The following CDH18 variants were observed in gnomAD, a reference collection of about 807,000 sequenced individuals.
CDH18 encodes the protein cadherin 18.
In CDH18, 31 loss-of-function variants were observed where a neutral mutation model predicts 67.9. The ratio of observed to expected loss-of-function variants is 0.46; its 90% CI spans 0.34 to 0.62. CDH18 has a LOEUF of 0.62. Ranked by LOEUF, CDH18 falls within the 20% of genes least tolerant of loss-of-function variation. The pLI is 0.01. For missense variants in CDH18, 890 were observed against 975.5 expected, an observed-to-expected ratio of 0.91 and a Z score of 1.17; for synonymous variants, 362 against 347.2, an observed-to-expected ratio of 1.04 and a Z score of -0.48.
At chr5:19,527,602 A>G (rs1747937814) in intron 9 of CDH18, among the ~76,000 whole-genome samples, 1 of 151,754 alleles carries the variant, frequency 6.6e-6, no homozygotes, top group Non-Finnish European at 1.5e-5. Flanking sequence ...TGTGAATTTT[A>G]TGCAACAGAA....
At chr5:19,659,098 A>C (rs935039144) in intron 5 of CDH18, among the ~76,000 whole-genome samples, 3 of 152,168 alleles carry the variant, frequency 2.0e-5, no homozygotes, top group Admixed American at 2.0e-4. Context: ...GAATTGAACA[A>C]TGATACTTTT....
intron 2 of CDH18, among the ~76,000 whole-genome samples, chr5:19,921,808 TAATC>T (rs978630973): frequency 2.6e-5 from 4 of 152,138 alleles, no homozygotes; most frequent in African/African-American, 9.7e-5. Context: ...ATTATGTTGA[TAATC>T]AAGTATGAAG....
At chr5:20,328,816 AAAAC>A (rs1738875157) in intron 1 of CDH18, among the ~76,000 whole-genome samples, 1 of 152,152 alleles carries the variant, frequency 6.6e-6, no homozygotes, top group Non-Finnish European at 1.5e-5. Flanking sequence ...CCACATGGTG[AAAAC>A]AAACAAAAAT....
chr5:19,568,273 C>T (rs568382423), intron 8 of CDH18, among the ~76,000 whole-genome samples: 1 of 152,194 alleles, frequency 6.6e-6, no homozygotes, highest in South Asian at 2.1e-4. Context: ...AAACAGTAAT[C>T]CACGATGTAA....
At chr5:20,246,714 G>C (rs1187416878) in intron 2 of CDH18, among the ~76,000 whole-genome samples, 1 of 152,062 alleles carries the variant, frequency 6.6e-6, no homozygotes, top group Admixed American at 6.6e-5. Flanking sequence ...TAAGAGCAAG[G>C]AATCAGTTCC....
chr5:20,161,304 C>T (rs901884132), intron 2 of CDH18, among the ~76,000 whole-genome samples: 1 of 152,180 alleles, frequency 6.6e-6, no homozygotes, highest in Non-Finnish European at 1.5e-5. Context: ...TTTATGTTGC[C>T]TCTCATAGTT....
At chr5:20,553,096 C>A (rs1757727096) in intron 1 of CDH18, among the ~76,000 whole-genome samples, 1 of 151,918 alleles carries the variant, frequency 6.6e-6, no homozygotes, top group African/African-American at 2.4e-5. Context: ...TCCAAGTTTT[C>A]TAAAAATAAA....
intron 1 of CDH18, among the ~76,000 whole-genome samples, chr5:20,412,099 A>G (rs1313051446): frequency 6.6e-6 from 1 of 152,188 alleles, no homozygotes; most frequent in Admixed American, 6.6e-5. Flanking sequence ...AAAAATAGCA[A>G]AGCTGGAGGC....
intron 2 of CDH18, among the ~76,000 whole-genome samples, chr5:20,144,003 A>T (rs900478060): frequency 6.6e-6 from 1 of 152,194 alleles, no homozygotes; most frequent in African/African-American, 2.4e-5. Flanking sequence ...TGTGAATTGC[A>T]TGGGAAGTAG....
At chr5:19,833,504 C>G (rs1294804577) in intron 3 of CDH18, among the ~76,000 whole-genome samples, 1 of 152,230 alleles carries the variant, frequency 6.6e-6, no homozygotes, top group Non-Finnish European at 1.5e-5. Flanking sequence ...TATCTGAATA[C>G]CTTTTATTTC....
intron 5 of CDH18, among the ~76,000 whole-genome samples, chr5:19,639,355 G>A (rs1429991620): frequency 1.3e-5 from 2 of 152,168 alleles, no homozygotes; most frequent in African/African-American, 4.8e-5. Context: ...TAGAAACAAA[G>A]AGGAAGAGTA....
In CDH18 at chr5:19,612,672, A is replaced by C. The variant is rs144170999; in HGVS notation, c.644-71T>G. On this transcript the variant is annotated intron_variant, in intron 5 of 12. Coordinates refer to ENST00000382275, the MANE Select transcript of CDH18 (RefSeq NM_004934.5). ...CAAGTATCAACAAACATACACATAC[A>C]TATTTTAAGAAATGTCTTTTAAAAT... 2,962 of 1,116,770 alleles carry C rather than the reference A, an allele frequency of 2.7e-3. 36 individuals carry two copies. The Middle Eastern group carries it at 0.049, about 19-fold the overall frequency. The allele number at this position is 1,116,770 out of a possible 1,614,324, so 69.2% of individuals were successfully genotyped here. A position where few individuals can be genotyped will look rare whatever the true frequency, so the allele number is the denominator to read the frequency against.
intron 4 of CDH18, 93 bp downstream of exon 4, chr5:19,746,849 T>G: frequency 1.2e-6 from 1 of 845,762 alleles, no homozygotes; most frequent in Non-Finnish European, 1.8e-6. Flanking sequence ...CCCCTCCAGA[T>G]ATATATATAT....
intron 4 of CDH18, among the ~76,000 whole-genome samples, chr5:19,744,541 T>A (rs1429235959): frequency 2.5e-5 from 3 of 120,904 alleles, no homozygotes; most frequent in African/African-American, 6.2e-5. Flanking sequence ...CACACACACA[T>A]CTATTCCAGA....
chr5:19,498,716 T>C (rs1267764238), intron 11 of CDH18, among the ~76,000 whole-genome samples: 2 of 152,308 alleles, frequency 1.3e-5, no homozygotes, highest in Middle Eastern at 3.4e-3. Flanking sequence ...CCACTTTCAA[T>C]ACCTATGTTG....
At chr5:19,833,124 G>T (rs1296231849) in intron 3 of CDH18, among the ~76,000 whole-genome samples, 1 of 151,952 alleles carries the variant, frequency 6.6e-6, no homozygotes, top group African/African-American at 2.4e-5. Flanking sequence ...GCAATATGGC[G>T]ATTTTCATGA....
chr5:19,797,032 C>T (rs1457777714), intron 3 of CDH18, among the ~76,000 whole-genome samples: 1 of 151,678 alleles, frequency 6.6e-6, no homozygotes, highest in African/African-American at 2.4e-5. Flanking sequence ...AATAAAATAG[C>T]ACTCCTCATT....
At chr5:19,665,100 G>C (rs1678912449) in intron 5 of CDH18, among the ~76,000 whole-genome samples, 1 of 151,872 alleles carries the variant, frequency 6.6e-6, no homozygotes, top group African/African-American at 2.4e-5. Flanking sequence ...AGGAATATCT[G>C]TTGAAAATGT....
At chr5:19,723,617 T>A (rs1766405026) in intron 4 of CDH18, among the ~76,000 whole-genome samples, 1 of 152,196 alleles carries the variant, frequency 6.6e-6, no homozygotes, top group Admixed American at 6.5e-5. Context: ...ACTCATACAC[T>A]GTGGATAGAA....
Sources: gnomAD v4.1 joint callset for allele counts (sites outside exome capture counted in the v4.1 genomes callset) on GRCh38, gnomAD v4.1.1 for gene constraint, MANE v1.5 for transcripts, NCBI Gene and HGNC (gene_info 2026-07-23, HGNC 2026-07-21) for gene names.